CCDC192: variants seen among roughly 807,000 people sequenced by gnomAD.
CCDC192 encodes the protein coiled-coil domain-containing protein 192.
At chr5:127,726,888 A>G (rs1315841954) in intron 2 of CCDC192, among the ~76,000 whole-genome samples, 1 of 152,196 alleles carries the variant, frequency 6.6e-6, no homozygotes, top group Non-Finnish European at 1.5e-5. Context: ...CCGCTCCACC[A>G]AGGGGCCACC....
At chr5:127,768,420 G>C (rs1416417302) in intron 3 of CCDC192, among the ~76,000 whole-genome samples, 10 of 152,164 alleles carry the variant, frequency 6.6e-5, no homozygotes, top group Non-Finnish European at 8.8e-5. Context: ...GCAAGCAAAT[G>C]AATGCCAGAG....
At chr5:127,808,417 T>C (rs551582501) in intron 5 of CCDC192, among the ~76,000 whole-genome samples, 41 of 152,280 alleles carry the variant, frequency 2.7e-4, no homozygotes, top group African/African-American at 9.4e-4. Context: ...CAGATCCATA[T>C]TGACCCTAAG....
Position 127,923,828 on chromosome 5 carries a change from A to G in CCDC192, c.536-17354A>G, listed in dbSNP as rs184377553. Among the ~76,000 whole-genome samples the G allele has an allele frequency of 9.8e-5, 15 of 152,312 alleles. No individual in the cohort carries two copies. In the East Asian group the frequency reaches 2.7e-3, roughly 27 times the overall value. ...CTTTCCTAACTTTTAAAAAGATGAG[A>G]CAAGACAGGACTTTCTCTTCCAACT... is the stretch of plus-strand genomic sequence containing the variant. On this transcript the variant is annotated intron_variant, in intron 6 of 6. Coordinates refer to ENST00000514853, the MANE Select transcript of CCDC192 (RefSeq NM_001317938.2).
chr5:127,799,268 C>T (rs2126973533), intron 5 of CCDC192, among the ~76,000 whole-genome samples: 1 of 152,218 alleles, frequency 6.6e-6, no homozygotes, highest in Admixed American at 6.6e-5. Context: ...GTAATTGTCC[C>T]CATTTTTGTG....
chr5:127,845,716 A>G (rs1004600660), intron 5 of CCDC192, among the ~76,000 whole-genome samples: 1 of 152,236 alleles, frequency 6.6e-6, no homozygotes, highest in Non-Finnish European at 1.5e-5. Context: ...AGACAGAAAC[A>G]ACAGAATGCA....
chr5:127,786,545 C>T lies in CCDC192; in HGVS notation c.223-10558C>T, dbSNP rs147291668. On this transcript the variant is annotated intron_variant, in intron 3 of 6. Coordinates refer to ENST00000514853, the MANE Select transcript of CCDC192 (RefSeq NM_001317938.2). ...CTGTTTATTCAGTGGCCTAAATGGT[C>T]TCTCCAAGTCACCAATGCAAGGGAA... 9.4e-4 allele frequency: 615 copies of T among 653,512 alleles called. 5 individuals carry two copies. The African/African-American group carries it at 9.5e-3, about 10-fold the overall frequency. The allele number at this position is 653,512 out of a possible 1,614,324, so 40.5% of individuals were successfully genotyped here.
chr5:127,780,052 T>C (rs1756105631), intron 3 of CCDC192, among the ~76,000 whole-genome samples: 1 of 152,164 alleles, frequency 6.6e-6, no homozygotes, highest in Non-Finnish European at 1.5e-5. Context: ...TTGCTGCAAA[T>C]GCCATTAATT....
chr5:127,913,093 GT>G (rs1413948903), intron 6 of CCDC192, among the ~76,000 whole-genome samples: 1 of 152,190 alleles, frequency 6.6e-6, no homozygotes, highest in Non-Finnish European at 1.5e-5. Context: ...AAGACAAATG[GT>G]TTTGGGGTCA....
intron 5 of CCDC192, among the ~76,000 whole-genome samples, chr5:127,820,906 A>G (rs1302307469): frequency 6.6e-6 from 1 of 152,176 alleles, no homozygotes; most frequent in Non-Finnish European, 1.5e-5. Context: ...ATTTTAATAT[A>G]AAAATGTCTC....
intron 5 of CCDC192, among the ~76,000 whole-genome samples, chr5:127,817,268 T>C (rs899996134): frequency 2.6e-5 from 4 of 152,122 alleles, no homozygotes; most frequent in Admixed American, 2.6e-4. Context: ...AGAGTTAAAA[T>C]ATGACCCAGC....
Position 127,918,050 on chromosome 5 carries a change from A to G in CCDC192, c.536-23132A>G, listed in dbSNP as rs149371460. Among the ~76,000 whole-genome samples, 606 of 152,110 alleles carry G rather than the reference A, an allele frequency of 4.0e-3. 1 individual carries two copies. The highest frequency in any genetic ancestry group is 0.014 in the African/African-American group (578 of 41,470). On this transcript the variant is annotated intron_variant, in intron 6 of 6. Transcript: ENST00000514853. ...TTCAGGAGGCTGAGGTGGGAGGATC[A>G]CGTGAGTCCAGGAGGTCTAGGCTGC... is the stretch of plus-strand genomic sequence containing the variant.
intron 5 of CCDC192, among the ~76,000 whole-genome samples, chr5:127,868,778 AC>A (rs1246301487): frequency 6.6e-6 from 1 of 151,718 alleles, no homozygotes; most frequent in Non-Finnish European, 1.5e-5. Flanking sequence ...ACAGAGTGAG[AC>A]TCTGTCAAAA....
At chr5:127,925,037 A>C (rs1217143172) in intron 6 of CCDC192, among the ~76,000 whole-genome samples, 1 of 147,490 alleles carries the variant, frequency 6.8e-6, no homozygotes, top group Non-Finnish European at 1.5e-5. Flanking sequence ...TATATAAAAC[A>C]AAACTTATAT....
intron 6 of CCDC192, chr5:127,940,482 C>A (rs1754360320): frequency 6.6e-6 from 1 of 152,050 alleles, no homozygotes; most frequent in African/African-American, 2.4e-5. Context: ...CAGAGTCTCG[C>A]TCTGTCGCCC....
chr5:127,828,056 G>T (rs2127034832), intron 5 of CCDC192, among the ~76,000 whole-genome samples: 1 of 152,226 alleles, frequency 6.6e-6, no homozygotes, highest in Non-Finnish European at 1.5e-5. Context: ...ACAGGCACCT[G>T]CCACCATGCC....
chr5:127,723,442 C>T (rs1403927207), intron 2 of CCDC192, among the ~76,000 whole-genome samples: 2 of 152,140 alleles, frequency 1.3e-5, no homozygotes, highest in Non-Finnish European at 2.9e-5. Flanking sequence ...AATCTGGATG[C>T]TCTCTATTTT....
intron 5 of CCDC192, among the ~76,000 whole-genome samples, chr5:127,815,255 A>G (rs1308059343): frequency 1.3e-5 from 2 of 152,172 alleles, no homozygotes; most frequent in Non-Finnish European, 2.9e-5. Flanking sequence ...TTTGTGTGCC[A>G]TTTTCTGTTG....
intron 2 of CCDC192, among the ~76,000 whole-genome samples, chr5:127,748,051 G>T (rs1436841922): frequency 7.4e-6 from 1 of 134,732 alleles, no homozygotes; most frequent in Non-Finnish European, 1.6e-5. Flanking sequence ...CTCCCATTCT[G>T]TAGGTTGCCT....
chr5:127,720,632 A>T (rs577365124), intron 2 of CCDC192, among the ~76,000 whole-genome samples: 16 of 152,182 alleles, frequency 1.1e-4, no homozygotes, highest in Non-Finnish European at 2.4e-4. Flanking sequence ...TTTCTCCTCC[A>T]CACTGCCCTA....
Sources: gnomAD v4.1 joint callset for allele counts (sites outside exome capture counted in the v4.1 genomes callset) on GRCh38, gnomAD v4.1.1 for gene constraint, MANE v1.5 for transcripts, NCBI Gene and HGNC (gene_info 2026-07-23, HGNC 2026-07-21) for gene names.